PKIB: variants seen among roughly 807,000 people sequenced by gnomAD.
PKIB encodes PKI-beta.
Under a neutral mutation model 4.5 loss-of-function variants are expected in PKIB, and 2 were observed. That is an observed-to-expected ratio of 0.44 (90% CI 0.18 to 1.39). PKIB has a LOEUF of 1.39. Ranked by LOEUF, PKIB falls within the 40% of genes most tolerant of loss-of-function variation. The probability of loss-of-function intolerance (pLI) is 0.27; values close to 1 mark genes in which losing one functional copy is unlikely to be tolerated. For synonymous variants in PKIB, 38 were observed against 36.0 expected, an observed-to-expected ratio of 1.06 and a Z score of -0.20; for missense variants, 94 against 92.6, an observed-to-expected ratio of 1.02 and a Z score of -0.06.
intron 2 of PKIB, among the ~76,000 whole-genome samples, chr6:122,656,390 G>T (rs866812295): frequency 3.3e-5 from 5 of 152,098 alleles, no homozygotes; most frequent in African/African-American, 1.2e-4. Flanking sequence ...AGTTCATGGA[G>T]AATTAAATAA....
At chr6:122,710,153 C>G (rs1398112494) in intron 3 of PKIB, among the ~76,000 whole-genome samples, 1 of 152,128 alleles carries the variant, frequency 6.6e-6, no homozygotes, top group Non-Finnish European at 1.5e-5. Flanking sequence ...AGTCTCTCTA[C>G]TAGGCAGAGG....
At chr6:122,642,039 A>G (rs1776139345) in intron 2 of PKIB, among the ~76,000 whole-genome samples, 1 of 152,198 alleles carries the variant, frequency 6.6e-6, no homozygotes, top group Non-Finnish European at 1.5e-5. Context: ...ACAGACACCC[A>G]GCTAGCTGAT....
chr6:122,528,031 G>A (rs192861940), intron 2 of PKIB, among the ~76,000 whole-genome samples: 3 of 152,064 alleles, frequency 2.0e-5, no homozygotes, highest in African/African-American at 7.2e-5. Flanking sequence ...AGTTTGCTTC[G>A]TATATTTTTA....
chr6:122,628,028 G>A (rs1294206568), intron 1 of PKIB, among the ~76,000 whole-genome samples: 1 of 150,826 alleles, frequency 6.6e-6, no homozygotes, highest in Admixed American at 6.7e-5. Context: ...ATTGTATATC[G>A]AGTGTATCCA....
Position 122,503,699 on chromosome 6 carries a change from TC to T in PKIB, c.-248+25762del, listed in dbSNP as rs1321456267. Among the ~76,000 whole-genome samples, 6 of 152,278 alleles carry T rather than the reference TC, an allele frequency of 3.9e-5. No homozygotes were observed. The East Asian group carries it at 1.2e-3, about 29-fold the overall frequency. On this transcript the variant is annotated intron_variant, in intron 2 of 6. Transcript: ENST00000392491. Reference sequence around the variant, plus strand: ...GGCAAAGTGAATACCCTAGCACTGGTCCTATTCATTCCTCTCCTGTTTCCCA... The same window carrying T: ...GGCAAAGTGAATACCCTAGCACTGGTCTATTCATTCCTCTCCTGTTTCCCA...
chr6:122,651,538 A>T (rs995524424), intron 2 of PKIB, among the ~76,000 whole-genome samples: 7 of 152,166 alleles, frequency 4.6e-5, no homozygotes, highest in African/African-American at 1.7e-4. Flanking sequence ...TGGCAAATAA[A>T]CTCATCAGAA....
chr6:122,562,288 A>G (rs757716110), intron 2 of PKIB, among the ~76,000 whole-genome samples: 4 of 151,996 alleles, frequency 2.6e-5, no homozygotes, highest in Non-Finnish European at 5.9e-5. Flanking sequence ...TAGGGCCCCA[A>G]TCCCTTCTAG....
At chr6:122,725,072 A>T in intron 4 of PKIB, 56 bp from the exon 5 acceptor site, 1 of 1,318,654 alleles carries the variant, frequency 7.6e-7, no homozygotes, top group Non-Finnish European at 1.1e-6. Flanking sequence ...TTATTCTAAC[A>T]TAATACAAAA....
chr6:122,570,461 G>A (rs1773328892), intron 2 of PKIB, among the ~76,000 whole-genome samples: 1 of 152,072 alleles, frequency 6.6e-6, no homozygotes, highest in Non-Finnish European at 1.5e-5. Context: ...ATAAAACACT[G>A]GAGAAAAATT....
At chr6:122,572,391 A>C (rs948793829) in intron 2 of PKIB, among the ~76,000 whole-genome samples, 1 of 152,140 alleles carries the variant, frequency 6.6e-6, no homozygotes, top group Non-Finnish European at 1.5e-5. Flanking sequence ...GGGGTTAATA[A>C]TGAAATTAAG....
At chr6:122,514,834 A>G (rs1282922565) in intron 2 of PKIB, among the ~76,000 whole-genome samples, 2 of 152,190 alleles carry the variant, frequency 1.3e-5, no homozygotes, top group Admixed American at 6.5e-5. Flanking sequence ...ATGTATTTAT[A>G]ATCTATATGT....
At chr6:122,521,692 A>G (rs754146568) in intron 2 of PKIB, among the ~76,000 whole-genome samples, 10 of 151,992 alleles carry the variant, frequency 6.6e-5, no homozygotes, top group Non-Finnish European at 7.4e-5. Context: ...TAAAAATAAT[A>G]ATAATAATAA....
intron 2 of PKIB, among the ~76,000 whole-genome samples, chr6:122,575,694 ACT>A (rs1773510111): frequency 6.6e-6 from 1 of 152,216 alleles, no homozygotes; most frequent in Non-Finnish European, 1.5e-5. Flanking sequence ...GTATGCTCTT[ACT>A]TATAAGTGGG....
chr6:122,489,741 T>G (rs1433658577), intron 2 of PKIB, among the ~76,000 whole-genome samples: 1 of 152,202 alleles, frequency 6.6e-6, no homozygotes, highest in Non-Finnish European at 1.5e-5. Flanking sequence ...ATAAATATGA[T>G]TTTTCTGTAT....
chr6:122,722,163 A>C (rs1343128826), intron 4 of PKIB, among the ~76,000 whole-genome samples: 2 of 152,186 alleles, frequency 1.3e-5, no homozygotes, highest in Non-Finnish European at 2.9e-5. Flanking sequence ...TAACATCACA[A>C]TACAAAATGT....
intron 1 of PKIB, among the ~76,000 whole-genome samples, chr6:122,611,615 A>G (rs928180361): frequency 5.9e-5 from 9 of 152,240 alleles, no homozygotes; most frequent in African/African-American, 1.7e-4. Context: ...CTTCGTGTAC[A>G]GATAGATTTC....
intron 2 of PKIB, among the ~76,000 whole-genome samples, chr6:122,521,130 C>G (rs1227226082): frequency 6.6e-6 from 1 of 152,152 alleles, no homozygotes; most frequent in African/African-American, 2.4e-5. Context: ...TGCATCTCAT[C>G]GATTTGCTGA....
intron 2 of PKIB, among the ~76,000 whole-genome samples, chr6:122,557,167 G>A (rs1772869052): frequency 1.3e-5 from 2 of 152,198 alleles, no homozygotes; most frequent in African/African-American, 2.4e-5. Flanking sequence ...AGTGAGCTGA[G>A]ATGGCTGCAC....
chr6:122,482,512 A>T (rs917942052), intron 2 of PKIB: 4 of 150,010 alleles, frequency 2.7e-5, no homozygotes, highest in African/African-American at 9.8e-5. Flanking sequence ...GAATTTTAGC[A>T]TTAAAATGAG....
Sources: allele counts gnomAD v4.1 joint callset (sites outside exome capture counted in the v4.1 genomes callset), GRCh38; gene constraint gnomAD v4.1.1; transcripts MANE v1.5; gene names NCBI Gene and HGNC (gene_info 2026-07-23, HGNC 2026-07-21).